VRK2: variants seen among roughly 807,000 people sequenced by gnomAD.
VRK2 encodes the protein serine/threonine-protein kinase VRK2.
In VRK2, 60 loss-of-function variants were observed where a neutral mutation model predicts 57.6. That is an observed-to-expected ratio of 1.04 (90% CI 0.85 to 1.29). The LOEUF (loss-of-function observed/expected upper bound fraction) is 1.29. VRK2 is among the 50% of genes most tolerant of loss of function. VRK2 has a pLI of 0.00. For synonymous variants in VRK2, 231 were observed against 199.2 expected (o/e 1.16, Z -1.35); for missense variants, 705 against 588.1 (o/e 1.20, Z -2.06).
chr2:58,137,251 G>GATACACGTGTATATACATGTGTATC (rs145492171), intron 10 of VRK2, among the ~76,000 whole-genome samples: 4 of 77,380 alleles, frequency 5.2e-5, no homozygotes, highest in African/African-American at 1.9e-4. Flanking sequence ...TCATATATAT[G>GATACACGTGTATATACATGTGTATC]ATATATATGA....
intron 1 of VRK2, among the ~76,000 whole-genome samples, chr2:57,925,441 C>T (rs1670500516): frequency 1.3e-5 from 2 of 151,954 alleles, no homozygotes; most frequent in African/African-American, 4.8e-5. Context: ...TTGTATGTGT[C>T]TAGGCATTTA....
chr2:58,075,269 C>T (rs1669931972), intron 2 of VRK2, among the ~76,000 whole-genome samples: 1 of 151,994 alleles, frequency 6.6e-6, no homozygotes, highest in Admixed American at 6.6e-5. Context: ...GTATATGTAC[C>T]ACACTTTCTT....
chr2:58,009,920 G>C (rs1364431559), intron 1 of VRK2, among the ~76,000 whole-genome samples: 2 of 151,934 alleles, frequency 1.3e-5, no homozygotes, highest in Non-Finnish European at 2.9e-5. Context: ...TAAATTGACA[G>C]GGTGAGTGTA....
chr2:57,924,042 A>T (rs1310042105), intron 1 of VRK2, among the ~76,000 whole-genome samples: 1 of 151,572 alleles, frequency 6.6e-6, no homozygotes, highest in Non-Finnish European at 1.5e-5. Flanking sequence ...TAGATGTGTG[A>T]ATTTATTTCT....
chr2:57,935,172 T>C (rs1204296370), intron 1 of VRK2, among the ~76,000 whole-genome samples: 1 of 152,218 alleles, frequency 6.6e-6, no homozygotes, highest in Non-Finnish European at 1.5e-5. Context: ...ATTGCTGTCT[T>C]TGCATTTGAG....
intron 7 of VRK2, among the ~76,000 whole-genome samples, chr2:58,090,542 C>G (rs1213163543): frequency 6.6e-6 from 1 of 151,970 alleles, no homozygotes; most frequent in African/African-American, 2.4e-5. Context: ...CAGTACAGTA[C>G]CAACTGCTGA....
chr2:58,157,695 A>T (rs919084466), intron 12 of VRK2, among the ~76,000 whole-genome samples: 2 of 152,314 alleles, frequency 1.3e-5, no homozygotes, highest in South Asian at 4.1e-4. Flanking sequence ...AGTTATGATG[A>T]TCTGTTTGCT....
chr2:58,083,217 T>C (rs1451881303), intron 2 of VRK2, among the ~76,000 whole-genome samples: 1 of 151,794 alleles, frequency 6.6e-6, no homozygotes, highest in East Asian at 1.9e-4. Context: ...TTCTAGCTTC[T>C]TGATAAATAT....
intron 2 of VRK2, among the ~76,000 whole-genome samples, chr2:58,049,945 C>G (rs1419454478): frequency 6.6e-6 from 1 of 152,080 alleles, no homozygotes; most frequent in Non-Finnish European, 1.5e-5. Flanking sequence ...ACTTAAGTGT[C>G]TATTCTAGTT....
At chr2:57,944,511 C>T (rs899078902) in intron 1 of VRK2, among the ~76,000 whole-genome samples, 2 of 152,118 alleles carry the variant, frequency 1.3e-5, no homozygotes, top group Admixed American at 1.3e-4. Context: ...CCGAGGCAGG[C>T]GGATCACGAC....
At chr2:58,062,981 GCTT>G (rs1209206452) in intron 2 of VRK2, among the ~76,000 whole-genome samples, 1 of 152,046 alleles carries the variant, frequency 6.6e-6, no homozygotes, top group Non-Finnish European at 1.5e-5. Context: ...TGGGTTCAAA[GCTT>G]CTAAGGACAG....
At chr2:57,969,278 C>A (rs1038820811) in intron 1 of VRK2, among the ~76,000 whole-genome samples, 1 of 151,824 alleles carries the variant, frequency 6.6e-6, no homozygotes, top group African/African-American at 2.4e-5. Context: ...GCAACATATA[C>A]AATTTTCATC....
At chr2:57,909,474 G>GTA (rs1397701312) in intron 1 of VRK2, among the ~76,000 whole-genome samples, 1 of 128,290 alleles carries the variant, frequency 7.8e-6, no homozygotes, top group Non-Finnish European at 1.7e-5. Flanking sequence ...GTGTGTGTGT[G>GTA]TGTTTTTTTT....
chr2:58,049,515 C>T (rs1490737146), intron 2 of VRK2, among the ~76,000 whole-genome samples: 1 of 152,116 alleles, frequency 6.6e-6, no homozygotes, highest in Non-Finnish European at 1.5e-5. Flanking sequence ...AAATTATTTT[C>T]TGTGATCTGT....
intron 1 of VRK2, among the ~76,000 whole-genome samples, chr2:57,973,954 A>G (rs1672171307): frequency 6.6e-6 from 1 of 151,872 alleles, no homozygotes; most frequent in Admixed American, 6.6e-5. Context: ...CTGAAACTGT[A>G]AGATGAGAAG....
chr2:58,146,342 G>A lies in VRK2; in HGVS notation c.1050G>A (p.Lys350=), dbSNP rs140501146. ...QKVDSQKAAT[K]QVNKAHNRLI... ...TTGATTCACAAAAGGCTGCAACAAA[G>A]CAAGTCAACAAGGCACACAATAGGT... The change falls in exon 12 of 13, where the codon AAG becomes AAA. Residue 350 remains lysine, a synonymous_variant. Transcript: ENST00000340157. 5.6e-6 allele frequency: 9 copies of A among 1,610,502 alleles called. No individual in the cohort carries two copies. In the East Asian group the frequency reaches 2.0e-4, roughly 36 times the overall value.
At position 58,031,094 on chromosome 2, in the gene VRK2, G is replaced by A. The variant is rs374697885; in HGVS notation, c.-332-2133G>A. Among the ~76,000 whole-genome samples the A allele has an allele frequency of 3.2e-4, 48 of 152,128 alleles. No individual in the cohort carries two copies. In the South Asian group the frequency reaches 9.3e-3, roughly 30 times the overall value. ...GCCCTTTTCAAGCTCCTGACCCACA[G>A]AATATGTGAGTATGATAACATACTT... On this transcript the variant is annotated intron_variant, in intron 2 of 15. Coordinates refer to the VRK2 transcript ENST00000417641.
chr2:58,045,084 G>A (rs1027613971), upstream of VRK2, among the ~76,000 whole-genome samples: 1 of 152,236 alleles, frequency 6.6e-6, no homozygotes, highest in African/African-American at 2.4e-5. Flanking sequence ...GGCTAATTGT[G>A]AGTAAATTGG....
At chr2:58,004,353 T>A (rs150570212) in intron 1 of VRK2, among the ~76,000 whole-genome samples, 1 of 152,298 alleles carries the variant, frequency 6.6e-6, no homozygotes, top group East Asian at 1.9e-4. Context: ...AATGTATTAC[T>A]GAGTGGTTCA....
Sources: allele counts gnomAD v4.1 joint callset (sites outside exome capture counted in the v4.1 genomes callset), GRCh38; gene constraint gnomAD v4.1.1; transcripts MANE v1.5; gene names NCBI Gene and HGNC (gene_info 2026-07-23, HGNC 2026-07-21).